Variants in SPATA7 observed in about 807,000 individuals in gnomAD.
SPATA7 encodes the protein spermatogenesis-associated protein 7.
Under a neutral mutation model 51.8 loss-of-function variants are expected in SPATA7, and 43 were observed. The ratio of observed to expected loss-of-function variants is 0.83; its 90% CI spans 0.65 to 1.07. The LOEUF is 1.07. Among genes scored for constraint, SPATA7 ranks in the 50% least tolerant of loss-of-function variants. The pLI is 0.00. For synonymous variants in SPATA7, 230 were observed against 252.8 expected (o/e 0.91, Z 0.86); for missense variants, 683 against 701.3 (o/e 0.97, Z 0.30).
chr14:88,400,581 C>T (rs1224299500), intron 4 of SPATA7, among the ~76,000 whole-genome samples: 2 of 152,190 alleles, frequency 1.3e-5, no homozygotes, highest in African/African-American at 4.8e-5. Flanking sequence ...TGCCTGTAAT[C>T]CCAGCACTTT....
chr14:88,385,957 T>A (rs1566741361), intron 1 of SPATA7, 120 bp downstream of exon 1: 3 of 1,535,006 alleles, frequency 2.0e-6, no homozygotes, highest in Non-Finnish European at 1.8e-6. Flanking sequence ...TACCCCTGGC[T>A]GAGTCGCCAG....
intron 4 of SPATA7, among the ~76,000 whole-genome samples, chr14:88,462,940 CTTTAGTAA>C (rs1331202890): frequency 6.6e-6 from 1 of 152,094 alleles, no homozygotes; most frequent in African/African-American, 2.4e-5. Flanking sequence ...GTTACTATCC[CTTTAGTAA>C]CCCATAAAAT....
intron 4 of SPATA7, among the ~76,000 whole-genome samples, chr14:88,415,714 T>G (rs1159105476): frequency 6.6e-6 from 1 of 152,120 alleles, no homozygotes; most frequent in Non-Finnish European, 1.5e-5. Context: ...TATTTATGTG[T>G]TCTTTTATGG....
At chr14:88,441,188 T>TTGTG (rs534049280), downstream of SPATA7, among the ~76,000 whole-genome samples, 1,400 of 151,320 alleles carry the variant, frequency 9.3e-3, 8 homozygotes, top group African/African-American at 0.032. Flanking sequence ...TAGTATTCAA[T>TTGTG]TGTGTGTGTG....
intron 1 of SPATA7, among the ~76,000 whole-genome samples, chr14:88,388,309 C>G (rs1566743246): frequency 6.6e-6 from 1 of 152,222 alleles, no homozygotes; most frequent in Non-Finnish European, 1.5e-5. Context: ...ACACTTTCAT[C>G]TTTCCTCACT....
At chr14:88,449,802 G>C (rs1465652384) in intron 3 of SPATA7, among the ~76,000 whole-genome samples, 1 of 152,032 alleles carries the variant, frequency 6.6e-6, no homozygotes, top group Admixed American at 6.5e-5. Flanking sequence ...ATATTTTCCT[G>C]CTGGACTAGT....
At chr14:88,388,858 C>A (rs1312016120) in intron 1 of SPATA7, among the ~76,000 whole-genome samples, 2 of 152,180 alleles carry the variant, frequency 1.3e-5, no homozygotes, top group African/African-American at 4.8e-5. Context: ...GTTCAGACCT[C>A]ATTAGAGAAG....
At chr14:88,431,314 A>G in intron 9 of SPATA7, 89 bp downstream of exon 9, 2 of 1,291,110 alleles carry the variant, frequency 1.5e-6, no homozygotes, top group East Asian at 2.3e-5. Flanking sequence ...GGATTGAACA[A>G]TAATCTCTTT....
intron 4 of SPATA7, among the ~76,000 whole-genome samples, chr14:88,414,023 T>C (rs992456763): frequency 6.6e-6 from 1 of 152,108 alleles, no homozygotes; most frequent in Non-Finnish European, 1.5e-5. Context: ...GTTTTTGGTG[T>C]GTCTTTACCA....
chr14:88,468,960 C>T lies in SPATA7; in HGVS notation c.255-887C>T, dbSNP rs181544048. The stretch of plus-strand genomic sequence containing the variant: ...GCGATCATGATCTCCGACAAAATCA[C>T]CACGCCAGTCCTTCCTACCCCAGCA... On this transcript the variant is annotated intron_variant, in intron 4 of 4. Transcript: ENST00000556406. The T allele has an allele frequency of 1.3e-5, 21 of 1,614,230 alleles. No homozygotes were observed. The East Asian group carries it at 4.7e-4, about 36-fold the overall frequency.
At chr14:88,439,239 A>G (rs1226852994), downstream of SPATA7, among the ~76,000 whole-genome samples, 1 of 152,134 alleles carries the variant, frequency 6.6e-6, no homozygotes, top group African/African-American at 2.4e-5. Context: ...TGCAATATCT[A>G]AAGCCTCAAG....
intron 8 of SPATA7, 65 bp from the exon 9 acceptor site, chr14:88,431,107 G>A (rs1394375428): frequency 7.5e-7 from 1 of 1,337,370 alleles, no homozygotes; most frequent in East Asian, 2.3e-5. Context: ...AATATACAAT[G>A]TTATTGAGTA....
At chr14:88,460,428 A>G (rs2140060680) in intron 4 of SPATA7, among the ~76,000 whole-genome samples, 1 of 152,094 alleles carries the variant, frequency 6.6e-6, no homozygotes, top group Non-Finnish European at 1.5e-5. Context: ...TTTTTTCTCT[A>G]AACTTCTCTT....
chr14:88,438,663 G>GC, downstream of SPATA7, among the ~76,000 whole-genome samples: 2 of 152,302 alleles, frequency 1.3e-5, no homozygotes, highest in South Asian at 4.1e-4. Flanking sequence ...CACAATCAAG[G>GC]CAGTGGCTGG....
intron 1 of SPATA7, among the ~76,000 whole-genome samples, chr14:88,390,321 C>T: frequency 6.6e-6 from 1 of 151,390 alleles, no homozygotes; most frequent in Non-Finnish European, 1.5e-5. Flanking sequence ...ACATGGTTGG[C>T]CTCAGGTACT....
chr14:88,427,981 A>C (rs1440053324), intron 7 of SPATA7: 1 of 279,756 alleles, frequency 3.6e-6, no homozygotes, highest in African/African-American at 2.2e-5. Flanking sequence ...AAAATACCTT[A>C]AGTATTGTTT....
At position 88,468,283 on chromosome 14, in the gene SPATA7, G is replaced by C. The variant is rs368056622; in HGVS notation, c.255-1564G>C. ...TCCAGCACCTAGGTTGAGAGAAACGGTAATGAAGATAATGTGTTCCCCTGG... is the reference window on the plus strand; with the variant it reads ...TCCAGCACCTAGGTTGAGAGAAACGCTAATGAAGATAATGTGTTCCCCTGG... On this transcript the variant is annotated intron_variant, in intron 4 of 4. Transcript: ENST00000556406. 4.4e-6 allele frequency: 7 copies of C among 1,582,562 alleles called. No homozygotes were observed. The East Asian group carries it at 1.6e-4, about 36-fold the overall frequency.
In SPATA7 at chr14:88,426,570, A is replaced by G; in HGVS notation, c.711A>G (p.Gln237=). 6.2e-7 allele frequency: 1 copy of G among 1,614,110 alleles called. No individual in the cohort carries two copies. Among genetic ancestry groups the G allele is most frequent in the East Asian group, 2.2e-5 (1 of 44,880 alleles). ...ATTCTGAACTCTTTTCTAACAAACA[A>G]TTGCCATTCACTCCTCGCACTTTAA... ...DKHSELFSNK[Q]LPFTPRTLKT... is the part of the protein sequence containing the mutation. Residue 237 remains glutamine (Q), a synonymous_variant, in exon 6 of 12, where the codon CAA becomes CAG. Coordinates refer to ENST00000393545, the MANE Select transcript of SPATA7 (RefSeq NM_018418.5).
intron 1 of SPATA7, among the ~76,000 whole-genome samples, chr14:88,390,850 A>G (rs1237972039): frequency 2.6e-5 from 4 of 152,154 alleles, no homozygotes; most frequent in African/African-American, 7.2e-5. Context: ...TTTCATGACT[A>G]TCTTTTTTCC....
Sources: allele counts gnomAD v4.1 joint callset (sites outside exome capture counted in the v4.1 genomes callset), GRCh38; gene constraint gnomAD v4.1.1; transcripts MANE v1.5; gene names NCBI Gene and HGNC (gene_info 2026-07-23, HGNC 2026-07-21).